GLT1D1: variants seen among roughly 807,000 people sequenced by gnomAD.
The protein encoded by GLT1D1 is glycosyltransferase 1 domain containing 1.
GLT1D1 carries 21 observed loss-of-function variants against 28.7 expected under a neutral mutation model. The observed-to-expected ratio is 0.73, with a 90% CI of 0.52 to 1.05. GLT1D1 has a LOEUF of 1.05. Ranked by LOEUF, GLT1D1 falls within the 50% of genes least tolerant of loss-of-function variation. GLT1D1 has a pLI of 0.00. For synonymous variants in GLT1D1, 147 were observed against 124.8 expected, an observed-to-expected ratio of 1.18 and a Z score of -1.19; for missense variants, 343 against 330.6, an observed-to-expected ratio of 1.04 and a Z score of -0.29.
chr12:128,856,080 T>C (rs182999447), intron 1 of GLT1D1, among the ~76,000 whole-genome samples: 2 of 152,268 alleles, frequency 1.3e-5, no homozygotes, highest in Admixed American at 6.5e-5. Context: ...GGTTATTTCT[T>C]GATGATATGC....
At chr12:128,956,477 A>G (rs911359376) in intron 6 of GLT1D1, among the ~76,000 whole-genome samples, 2 of 152,278 alleles carry the variant, frequency 1.3e-5, no homozygotes, top group African/African-American at 4.8e-5. Context: ...AAAAATCCTA[A>G]GTCGAATCAT....
chr12:128,893,654 G>T (rs986752570), intron 3 of GLT1D1, among the ~76,000 whole-genome samples: 3 of 152,008 alleles, frequency 2.0e-5, no homozygotes, highest in Non-Finnish European at 4.4e-5. Flanking sequence ...GGTGCAGTCT[G>T]AGCTCACTGC....
At position 128,982,985 on chromosome 12, in the gene GLT1D1, C is replaced by A. The variant is rs78799732; in HGVS notation, c.696C>A (p.Ile232=). The A allele has an allele frequency of 1.9e-6, 3 of 1,613,802 alleles. No homozygotes were observed. The Middle Eastern group carries it at 4.9e-4, about 266-fold the overall frequency. The change falls in exon 8 of 8, where the codon ATC becomes ATA. Residue 232 remains isoleucine, a synonymous_variant. Transcript: ENST00000281703. Reference sequence around the variant, plus strand: ...GTGATCCTGCATTAGAAAAGGAAATCGTAGTGAACGGAAGGGAATACGTGA... The same window carrying A: ...GTGATCCTGCATTAGAAAAGGAAATAGTAGTGAACGGAAGGGAATACGTGA...
Position 128,926,351 on chromosome 12 carries a change from T to A in GLT1D1, c.376-18975T>A. The A allele has an allele frequency of 6.9e-7, 1 of 1,447,116 alleles. No individual in the cohort carries two copies. 89.6% of individuals were successfully genotyped at this position (1,447,116 alleles called of 1,614,324 possible). On this transcript the variant is annotated intron_variant, in intron 4 of 7. Transcript: ENST00000281703. ...CCACTGAAAACATTCTGAACTCTTCTCTTACAGAGATTAACCAAAGTGCTG... is the reference window on the plus strand; with the variant it reads ...CCACTGAAAACATTCTGAACTCTTCACTTACAGAGATTAACCAAAGTGCTG...
At chr12:128,859,037 G>T (rs1956296231) in intron 1 of GLT1D1, among the ~76,000 whole-genome samples, 2 of 152,134 alleles carry the variant, frequency 1.3e-5, no homozygotes. Flanking sequence ...AAATGTATTT[G>T]ATTGATGTCT....
chr12:128,982,856 C>A lies in GLT1D1; in HGVS notation c.640-73C>A, dbSNP rs75590972. 3,087 of 1,414,846 alleles carry A rather than the reference C, an allele frequency of 2.2e-3. 62 individuals carry two copies. In the African/African-American group the frequency reaches 0.039, roughly 18 times the overall value. 87.6% of individuals were successfully genotyped at this position (1,414,846 alleles called of 1,614,324 possible). ...GCAAGGCCAGCAGCCAATGCAGACA[C>A]AGGATCTTGGGTGCATTTGCAAAAT... On this transcript the variant is annotated intron_variant, in intron 7 of 7. Coordinates refer to ENST00000281703, the MANE Select transcript of GLT1D1 (RefSeq NM_144669.3).
intron 2 of GLT1D1, among the ~76,000 whole-genome samples, chr12:128,883,171 G>T (rs920246917): frequency 2.6e-5 from 4 of 150,958 alleles, no homozygotes; most frequent in African/African-American, 9.7e-5. Context: ...TTATCTGCCC[G>T]CCTGGGCCTC....
intron 6 of GLT1D1, among the ~76,000 whole-genome samples, chr12:128,953,481 G>A (rs1389457136): frequency 2.6e-5 from 4 of 151,974 alleles, no homozygotes; most frequent in Non-Finnish European, 4.4e-5. Context: ...CTCGTTGAAA[G>A]TTTTTACTTT....
intron 4 of GLT1D1, among the ~76,000 whole-genome samples, chr12:128,918,321 G>A (rs1487842187): frequency 6.6e-6 from 1 of 152,156 alleles, no homozygotes; most frequent in African/African-American, 2.4e-5. Context: ...AGAGGGTAGG[G>A]CTGGGGGCAT....
At chr12:128,922,969 A>G (rs567496883) in intron 4 of GLT1D1, among the ~76,000 whole-genome samples, 2 of 150,954 alleles carry the variant, frequency 1.3e-5, no homozygotes, top group South Asian at 4.2e-4. Flanking sequence ...AATATTAAAA[A>G]CTCTACATAT....
At chr12:128,909,275 T>C (rs1453165492) in intron 4 of GLT1D1, among the ~76,000 whole-genome samples, 1 of 151,964 alleles carries the variant, frequency 6.6e-6, no homozygotes, top group Non-Finnish European at 1.5e-5. Context: ...TTGCAGGAGT[T>C]CAGTGGCAAG....
rs570245693 is a variant in GLT1D1, at chr12:128,963,127, C to T, written c.639+5484C>T. Among the ~76,000 whole-genome samples, 9 of 152,258 alleles carry T rather than the reference C, an allele frequency of 5.9e-5. No homozygotes were observed. In the South Asian group the frequency reaches 8.3e-4, roughly 14 times the overall value. On this transcript the variant is annotated intron_variant, in intron 7 of 7. Transcript: ENST00000281703. ...CTGAAAATGAGAACTGTAACTCAGCCGGAGCACACTGTGCACACCAACGAC... is the reference window on the plus strand; with the variant it reads ...CTGAAAATGAGAACTGTAACTCAGCTGGAGCACACTGTGCACACCAACGAC...
intron 7 of GLT1D1, among the ~76,000 whole-genome samples, chr12:128,981,224 C>T (rs543688761): frequency 6.6e-6 from 1 of 152,176 alleles, no homozygotes; most frequent in Non-Finnish European, 1.5e-5. Flanking sequence ...GTTCACTTTT[C>T]CATGCGGAGA....
At chr12:128,937,474 A>T (rs528725329) in intron 4 of GLT1D1, among the ~76,000 whole-genome samples, 3 of 152,014 alleles carry the variant, frequency 2.0e-5, no homozygotes, top group Non-Finnish European at 4.4e-5. Flanking sequence ...TGGGGTGGAG[A>T]TGTTACTTCT....
intron 2 of GLT1D1, among the ~76,000 whole-genome samples, chr12:128,881,534 GAAAAAAAAAAAAAAAAAA>G (rs1161429342): frequency 2.5e-4 from 6 of 23,924 alleles, no homozygotes; most frequent in African/African-American, 9.6e-4. Flanking sequence ...ACTCTGTATC[GAAAAAAAAAAAAAAAAAA>G]AAAAAAAAAA....
chr12:128,976,768 G>A (rs1048351535), intron 7 of GLT1D1, among the ~76,000 whole-genome samples: 11 of 152,320 alleles, frequency 7.2e-5, no homozygotes, highest in African/African-American at 2.2e-4. Context: ...TCTCGTGGAG[G>A]AGTTTTTTTC....
intron 4 of GLT1D1, 123 bp downstream of exon 8, chr12:128,927,277 C>G: frequency 1.3e-6 from 1 of 762,620 alleles, no homozygotes; most frequent in South Asian, 1.7e-5. Flanking sequence ...CTTGCTCTGT[C>G]CCCCAGGCTG....
At chr12:128,867,345 C>T (rs1358498692) in intron 1 of GLT1D1, among the ~76,000 whole-genome samples, 11 of 138,242 alleles carry the variant, frequency 8.0e-5, no homozygotes, top group Non-Finnish European at 1.4e-4. Flanking sequence ...TGCAGTGAGC[C>T]GAGATCGCAC....
rs1293321105 is a variant in GLT1D1 at position 128,874,090 on chromosome 12, TTCTTTCTTTCTCTC to T, written c.69-1820_69-1807del. 1.1e-3 allele frequency among the ~76,000 whole-genome samples: 27 copies of T among 25,346 alleles called. 1 individual carries two copies. Among genetic ancestry groups the T allele is most frequent in the South Asian group, 2.4e-3 (1 of 420 alleles). 16.6% of individuals were successfully genotyped at this position (25,346 alleles called of 152,430 possible). Reference sequence around the variant, plus strand: ...TTTCTTTCTTTCTTTCTTTCTTTCTTTCTTTCTTTCTCTCTCTCTCTCTCTCTCTCTCTCTCTTT... The same window carrying T: ...TTTCTTTCTTTCTTTCTTTCTTTCTTTCTCTCTCTCTCTCTCTCTCTCTTT... On this transcript the variant is annotated intron_variant, in intron 1 of 7. Transcript: ENST00000281703.
Sources: gnomAD v4.1 joint callset for allele counts (sites outside exome capture counted in the v4.1 genomes callset) on GRCh38, gnomAD v4.1.1 for gene constraint, MANE v1.5 for transcripts, NCBI Gene and HGNC (gene_info 2026-07-23, HGNC 2026-07-21) for gene names.